LARS2: variants seen among roughly 807,000 people sequenced by gnomAD.
The protein encoded by LARS2 is leucyl-tRNA synthetase 2, mitochondrial.
A neutral mutation model predicts 116.6 loss-of-function variants in LARS2; 81 were observed. The observed-to-expected ratio is 0.69, with a 90% CI of 0.58 to 0.84. The LOEUF is 0.84. LARS2 is among the 40% of genes least tolerant of loss of function. The probability of loss-of-function intolerance (pLI) is 0.00; values close to 1 mark genes in which losing one functional copy is unlikely to be tolerated. For synonymous variants in LARS2, 396 were observed against 407.2 expected, an observed-to-expected ratio of 0.97 and a Z score of 0.33; for missense variants, 968 against 1,114.5, an observed-to-expected ratio of 0.87 and a Z score of 1.87.
In LARS2 at chr3:45,399,859, A is replaced by G. The variant is rs540115364; in HGVS notation, c.235-386A>G. Among the ~76,000 whole-genome samples, 4 of 151,916 alleles carry G rather than the reference A, an allele frequency of 2.6e-5. No homozygotes were observed. In the South Asian group the frequency reaches 6.2e-4, roughly 24 times the overall value. On this transcript the variant is annotated intron_variant, in intron 3 of 21. Transcript: ENST00000645846. ...TTATGCCTCATAGCTTAGCTCCCAC[A>G]TATCAGTGAGAACATAAGATGTTTG...
intron 8 of LARS2, among the ~76,000 whole-genome samples, chr3:45,462,958 TAA>T (rs1418995304): frequency 6.6e-6 from 1 of 152,212 alleles, no homozygotes. Context: ...TGTGAAACAT[TAA>T]AAGTGATTTC....
Position 45,544,248 on chromosome 3 carries a change from T to C in LARS2, c.2532+2292T>C, listed in dbSNP as rs555809811. Reference sequence around the variant, plus strand: ...AGACAAGAGCTACCGCCTTGTCACCTTGGAACAAAGGTCTGGGGGCACATG... The same window carrying C: ...AGACAAGAGCTACCGCCTTGTCACCCTGGAACAAAGGTCTGGGGGCACATG... On this transcript the variant is annotated intron_variant, in intron 21 of 21. Transcript: ENST00000645846. Among the ~76,000 whole-genome samples, 19 of 152,354 alleles carry C rather than the reference T, an allele frequency of 1.2e-4. No individual in the cohort carries two copies. In the South Asian group the frequency reaches 3.1e-3, roughly 25 times the overall value.
intron 4 of LARS2, among the ~76,000 whole-genome samples, chr3:45,402,541 TTC>T (rs1270759356): frequency 1.3e-5 from 2 of 152,220 alleles, no homozygotes; most frequent in East Asian, 3.8e-4. Context: ...TCTCAGTTCT[TTC>T]TATTTTATTT....
At chr3:45,508,247 C>T (rs1404119226) in intron 15 of LARS2, among the ~76,000 whole-genome samples, 1 of 152,056 alleles carries the variant, frequency 6.6e-6, no homozygotes, top group Non-Finnish European at 1.5e-5. Context: ...CGCCTGCTGA[C>T]CGTGGAGAGC....
chr3:45,411,639 A>G (rs1698333551), intron 4 of LARS2, among the ~76,000 whole-genome samples: 1 of 152,214 alleles, frequency 6.6e-6, no homozygotes, highest in South Asian at 2.1e-4. Context: ...AAAAAAGGTC[A>G]TAAAATAATG....
intron 1 of LARS2, among the ~76,000 whole-genome samples, chr3:45,390,693 C>T (rs1424751185): frequency 2.0e-5 from 3 of 149,734 alleles, no homozygotes; most frequent in Non-Finnish European, 3.0e-5. Context: ...CGCTCTGTCA[C>T]CCAGGCTGGA....
At chr3:45,472,477 C>T (rs1303928562) in intron 8 of LARS2, among the ~76,000 whole-genome samples, 1 of 152,138 alleles carries the variant, frequency 6.6e-6, no homozygotes, top group African/African-American at 2.4e-5. Context: ...TGTCTGTCCT[C>T]ATCTATAAAG....
intron 6 of LARS2, among the ~76,000 whole-genome samples, chr3:45,433,803 T>G (rs1237075477): frequency 6.6e-6 from 1 of 152,146 alleles, no homozygotes; most frequent in Non-Finnish European, 1.5e-5. Flanking sequence ...CAAATTCCCT[T>G]TGTTTTTCTT....
At chr3:45,472,473 T>A (rs1699543450) in intron 8 of LARS2, among the ~76,000 whole-genome samples, 1 of 152,170 alleles carries the variant, frequency 6.6e-6, no homozygotes, top group South Asian at 2.1e-4. Context: ...GGCCTGTCTG[T>A]CCTCATCTAT....
chr3:45,543,450 A>ATT (rs1186073698), intron 21 of LARS2, among the ~76,000 whole-genome samples: 6 of 142,540 alleles, frequency 4.2e-5, no homozygotes, highest in African/African-American at 1.6e-4. Context: ...CCAACCCAGA[A>ATT]TTTTTTTTTT....
In LARS2 at chr3:45,446,926, G is replaced by T. The variant is rs1472114862; in HGVS notation, c.552G>T (p.Trp184Cys). The change falls in exon 7 of 22, where the codon TGG becomes TGT. Residue 184 changes from tryptophan to cysteine, a missense_variant. Coordinates refer to ENST00000645846, the MANE Select transcript of LARS2 (RefSeq NM_015340.4). ...ITTCLPDYYKWTQYLFIKLYE... is the reference protein window; with the variant it reads ...ITTCLPDYYKCTQYLFIKLYE... Reference sequence around the variant, plus strand: ...CGTGTTTGCCAGATTACTACAAGTGGACTCAGTATCTCTTTATTAAACTGT... The same window carrying T: ...CGTGTTTGCCAGATTACTACAAGTGTACTCAGTATCTCTTTATTAAACTGT... 1 of 1,611,820 alleles carries T rather than the reference G, an allele frequency of 6.2e-7. No individual in the cohort carries two copies. Among genetic ancestry groups the T allele is most frequent in the East Asian group, 2.2e-5 (1 of 44,818 alleles).
intron 17 of LARS2, among the ~76,000 whole-genome samples, chr3:45,517,019 A>G (rs1350286788): frequency 6.6e-6 from 1 of 152,224 alleles, no homozygotes; most frequent in Non-Finnish European, 1.5e-5. Context: ...TGTGTGAAGT[A>G]TCCATGTCAT....
At chr3:45,416,633 C>A (rs1163298838) in intron 4 of LARS2, among the ~76,000 whole-genome samples, 1 of 152,190 alleles carries the variant, frequency 6.6e-6, no homozygotes, top group Non-Finnish European at 1.5e-5. Context: ...GTTCAGTGTC[C>A]ACCAGTCACG....
chr3:45,496,138 C>G (rs756861301), intron 13 of LARS2, 137 bp from the exon 14 acceptor site: 2 of 654,294 alleles, frequency 3.1e-6, no homozygotes, highest in Non-Finnish European at 5.3e-6. Flanking sequence ...GGATTACAAG[C>G]GTGAGCCACC....
intron 10 of LARS2, among the ~76,000 whole-genome samples, chr3:45,477,969 G>A (rs977775957): frequency 6.6e-6 from 1 of 152,176 alleles, no homozygotes; most frequent in Non-Finnish European, 1.5e-5. Context: ...TGCACTCTTG[G>A]TGGGGCATAG....
At chr3:45,421,669 A>G (rs574647378) in intron 6 of LARS2, 6 of 152,294 alleles carry the variant, frequency 3.9e-5, no homozygotes, top group African/African-American at 7.2e-5. Flanking sequence ...TCCTCCCCCA[A>G]ACTTAAGGCA....
At chr3:45,547,246 T>TA in intron 21 of LARS2, 105 bp from the exon 22 acceptor site, 1 of 1,063,290 alleles carries the variant, frequency 9.4e-7, no homozygotes, top group Non-Finnish European at 1.4e-6. Flanking sequence ...TCCTTTCCCC[T>TA]AAACAAATGC....
In LARS2 at chr3:45,417,135, ATGTG is replaced by A. The variant is rs373432873; in HGVS notation, c.364-335_364-332del. Among the ~76,000 whole-genome samples the A allele has an allele frequency of 3.8e-3, 566 of 150,626 alleles. 6 individuals carry two copies. The highest frequency in any genetic ancestry group is 0.013 in the African/African-American group (520 of 41,288). On this transcript the variant is annotated intron_variant, in intron 4 of 21. Coordinates refer to ENST00000645846, the MANE Select transcript of LARS2 (RefSeq NM_015340.4). Reference sequence around the variant, plus strand: ...TGAGCATTTGGAAAGCCTATACATTATGTGTGTGTGTGTGTATATATATATGTGA... The same window carrying A: ...TGAGCATTTGGAAAGCCTATACATTATGTGTGTGTGTATATATATATGTGA...
rs186718092 is a variant in LARS2, at chr3:45,472,460, C to G, written c.751-1783C>G. Among the ~76,000 whole-genome samples, 9 of 152,298 alleles carry G rather than the reference C, an allele frequency of 5.9e-5. No individual in the cohort carries two copies. The East Asian group carries it at 1.7e-3, about 29-fold the overall frequency. ...GTGATATGGGGCAGATTGCTCTCTC[C>G]TGGGCCTGTCTGTCCTCATCTATAA... On this transcript the variant is annotated intron_variant, in intron 8 of 21. Coordinates refer to ENST00000645846, the MANE Select transcript of LARS2 (RefSeq NM_015340.4).
Sources: allele counts gnomAD v4.1 joint callset (sites outside exome capture counted in the v4.1 genomes callset), GRCh38; gene constraint gnomAD v4.1.1; transcripts MANE v1.5; gene names NCBI Gene and HGNC (gene_info 2026-07-23, HGNC 2026-07-21).